Variants in GRID2 observed in about 807,000 individuals in gnomAD.
GRID2 encodes the protein glutamate ionotropic receptor delta type subunit 2.
Under a neutral mutation model 114.8 loss-of-function variants are expected in GRID2, and 33 were observed. The ratio of observed to expected loss-of-function variants is 0.29; its 90% CI spans 0.22 to 0.38. The LOEUF is 0.38. Ranked by LOEUF, GRID2 falls within the 10% of genes least tolerant of loss-of-function variation. GRID2 has a pLI of 1.00. For missense variants in GRID2, 1,184 were observed against 1,257.7 expected (o/e 0.94, Z 0.89); for synonymous variants, 505 against 449.9 (o/e 1.12, Z -1.55).
chr4:92,463,952 C>A (rs1339956044), intron 1 of GRID2, among the ~76,000 whole-genome samples: 12 of 150,732 alleles, frequency 8.0e-5, no homozygotes, highest in Admixed American at 7.3e-4. Context: ...TTTTTTTATT[C>A]ATTTGCTCTT....
At chr4:92,486,223 C>T (rs556637042) in intron 1 of GRID2, among the ~76,000 whole-genome samples, 10 of 150,948 alleles carry the variant, frequency 6.6e-5, no homozygotes, top group South Asian at 6.3e-4. Context: ...GATAGCTGAC[C>T]GGTAATCACC....
At chr4:92,935,263 A>C (rs1157829806) in intron 2 of GRID2, among the ~76,000 whole-genome samples, 1 of 147,502 alleles carries the variant, frequency 6.8e-6, no homozygotes, top group African/African-American at 2.4e-5. Flanking sequence ...ACATTTATGC[A>C]GCCAAAAAAC....
intron 1 of GRID2, among the ~76,000 whole-genome samples, chr4:92,571,618 A>G (rs1727628611): frequency 6.6e-6 from 1 of 152,162 alleles, no homozygotes; most frequent in Admixed American, 6.5e-5. Flanking sequence ...TCCAAAATTG[A>G]CCACATAGTT....
Position 92,961,257 on chromosome 4 carries a change from A to G in GRID2, c.245-123738A>G, listed in dbSNP as rs926696437. Among the ~76,000 whole-genome samples, 3 of 151,252 alleles carry G rather than the reference A, an allele frequency of 2.0e-5. No homozygotes were observed. In the Admixed American group the frequency reaches 2.0e-4, roughly 10 times the overall value. On this transcript the variant is annotated intron_variant, in intron 2 of 15. Coordinates refer to ENST00000282020, the MANE Select transcript of GRID2 (RefSeq NM_001510.4). ...GTATTTATTTTACTTTCACTTACTCATTTTCTGATGCTCTTTCTTTATGTT... is the reference window on the plus strand; with the variant it reads ...GTATTTATTTTACTTTCACTTACTCGTTTTCTGATGCTCTTTCTTTATGTT...
At chr4:92,669,154 A>G (rs1407864095) in intron 2 of GRID2, among the ~76,000 whole-genome samples, 1 of 151,954 alleles carries the variant, frequency 6.6e-6, no homozygotes, top group Admixed American at 6.6e-5. Context: ...AATGAAATTA[A>G]AGGGCAAAAA....
At chr4:93,344,480 T>C (rs1357511434) in intron 8 of GRID2, among the ~76,000 whole-genome samples, 3 of 151,822 alleles carry the variant, frequency 2.0e-5, no homozygotes, top group Non-Finnish European at 4.4e-5. Flanking sequence ...ATTCACAGTA[T>C]ACAAGGCAAT....
chr4:92,755,756 T>A (rs1034590212), intron 2 of GRID2, among the ~76,000 whole-genome samples: 1 of 152,208 alleles, frequency 6.6e-6, no homozygotes, highest in Non-Finnish European at 1.5e-5. Context: ...TGTATAGGAA[T>A]CTTGCATTTA....
chr4:93,082,550 C>G (rs1729961757), intron 2 of GRID2, among the ~76,000 whole-genome samples: 1 of 152,126 alleles, frequency 6.6e-6, no homozygotes, highest in Non-Finnish European at 1.5e-5. Context: ...CTCAAACTCT[C>G]AAAATAGTGT....
chr4:92,544,741 C>G (rs1402319721), intron 1 of GRID2, among the ~76,000 whole-genome samples: 5 of 152,086 alleles, frequency 3.3e-5, no homozygotes, highest in Non-Finnish European at 7.4e-5. Flanking sequence ...CATTAACTTT[C>G]AGTAACCAAT....
chr4:93,696,169 T>C (rs1434070648), intron 14 of GRID2, among the ~76,000 whole-genome samples: 1 of 152,320 alleles, frequency 6.6e-6, no homozygotes, highest in Non-Finnish European at 1.5e-5. Context: ...CTGACCATGT[T>C]CCACCCTTCT....
chr4:92,508,026 A>AT lies in GRID2; in HGVS notation c.89-82101dup, dbSNP rs1478244048. Among the ~76,000 whole-genome samples, 5 of 151,898 alleles carry AT rather than the reference A, an allele frequency of 3.3e-5. No individual in the cohort carries two copies. In the East Asian group the frequency reaches 9.7e-4, roughly 29 times the overall value. ...TTTCTGTCTTAGGCAGAAATATTCT[A>AT]TTTTATTTATTTTAGTAGCACTTTT... On this transcript the variant is annotated intron_variant, in intron 1 of 15. Transcript: ENST00000282020.
intron 1 of GRID2, among the ~76,000 whole-genome samples, chr4:92,378,977 T>A (rs2110233028): frequency 6.6e-6 from 1 of 152,040 alleles, no homozygotes; most frequent in South Asian, 2.1e-4. Context: ...ACACATAATT[T>A]AATAATTAAG....
Position 92,914,203 on chromosome 4 carries a change from A to T in GRID2, c.245-170792A>T, listed in dbSNP as rs536807509. On this transcript the variant is annotated intron_variant, in intron 2 of 15. Coordinates refer to ENST00000282020, the MANE Select transcript of GRID2 (RefSeq NM_001510.4). ...ATGTATAAAGAGATAAAATGTAAAC[A>T]TATTTTCCCCAATGTTAAACAGTCA... 2.0e-5 allele frequency among the ~76,000 whole-genome samples: 3 copies of T among 152,274 alleles called. No individual in the cohort carries two copies. In the South Asian group the frequency reaches 6.2e-4, roughly 32 times the overall value.
At chr4:93,207,614 G>C (rs1742962948) in intron 5 of GRID2, among the ~76,000 whole-genome samples, 157 bp downstream of exon 5, 1 of 151,996 alleles carries the variant, frequency 6.6e-6, no homozygotes. Flanking sequence ...AGAATGAAGA[G>C]TTTTTAAAAA....
At chr4:92,946,597 A>T (rs1186161727) in intron 2 of GRID2, among the ~76,000 whole-genome samples, 1 of 152,122 alleles carries the variant, frequency 6.6e-6, no homozygotes, top group Non-Finnish European at 1.5e-5. Context: ...ACTCTACTGC[A>T]TATTACTCAG....
At chr4:93,084,256 G>A (rs999910572) in intron 2 of GRID2, among the ~76,000 whole-genome samples, 2 of 151,786 alleles carry the variant, frequency 1.3e-5, no homozygotes, top group Non-Finnish European at 2.9e-5. Flanking sequence ...ACATTTTGAG[G>A]TATGCACATA....
chr4:93,578,018 C>T (rs193192277), intron 13 of GRID2, among the ~76,000 whole-genome samples: 123 of 152,240 alleles, frequency 8.1e-4, no homozygotes, highest in African/African-American at 2.6e-3. Flanking sequence ...CATAATTGCT[C>T]TCTGGATGTG....
At chr4:92,387,553 T>C (rs1223565136) in intron 1 of GRID2, among the ~76,000 whole-genome samples, 1 of 151,892 alleles carries the variant, frequency 6.6e-6, no homozygotes, top group Non-Finnish European at 1.5e-5. Flanking sequence ...TTGACCAGGA[T>C]AGATGGGAGA....
chr4:92,789,515 T>G (rs1739475743), intron 2 of GRID2, among the ~76,000 whole-genome samples: 1 of 151,886 alleles, frequency 6.6e-6, no homozygotes, highest in Non-Finnish European at 1.5e-5. Flanking sequence ...CTTATGCCTT[T>G]GACCAATCTT....
Sources: allele counts gnomAD v4.1 joint callset (sites outside exome capture counted in the v4.1 genomes callset), GRCh38; gene constraint gnomAD v4.1.1; transcripts MANE v1.5; gene names NCBI Gene and HGNC (gene_info 2026-07-23, HGNC 2026-07-21).